WDR93: variants seen among roughly 807,000 people sequenced by gnomAD.
The protein encoded by WDR93 is WD repeat-containing protein 93.
Under a neutral mutation model 82.9 loss-of-function variants are expected in WDR93, and 73 were observed. The ratio of observed to expected loss-of-function variants is 0.88; its 90% CI spans 0.73 to 1.07. The LOEUF (loss-of-function observed/expected upper bound fraction) is 1.07, where lower values mean the gene tolerates loss of function less well. Ranked by LOEUF, WDR93 falls within the 50% of genes least tolerant of loss-of-function variation. The probability of loss-of-function intolerance (pLI) is 0.00; values close to 1 mark genes in which losing one functional copy is unlikely to be tolerated. For missense variants in WDR93, 738 were observed against 826.0 expected (o/e 0.89, Z 1.31); for synonymous variants, 283 against 300.1 (o/e 0.94, Z 0.59).
At chr15:89,727,810 C>T (rs935771203) in intron 9 of WDR93, among the ~76,000 whole-genome samples, 6 of 151,634 alleles carry the variant, frequency 4.0e-5, no homozygotes, top group South Asian at 2.1e-4. Flanking sequence ...AGGCTGGGCA[C>T]GGTGGCTCAG....
chr15:89,690,746 G>C, upstream of WDR93: 1 of 664,830 alleles, frequency 1.5e-6, no homozygotes, highest in Non-Finnish European at 2.5e-6. Context: ...GGGAGGGGCT[G>C]AGTCTCTCCG....
At chr15:89,699,291 A>G (rs989151307) in intron 1 of WDR93, among the ~76,000 whole-genome samples, 2 of 152,184 alleles carry the variant, frequency 1.3e-5, no homozygotes, top group African/African-American at 4.8e-5. Flanking sequence ...TTCTGGATAT[A>G]GAATACCAGA....
At chr15:89,695,813 CTTTTT>C (rs58664153) in intron 1 of WDR93, among the ~76,000 whole-genome samples, 1 of 99,312 alleles carries the variant, frequency 1.0e-5, no homozygotes, top group Non-Finnish European at 1.9e-5. Flanking sequence ...TCATGCTGTC[CTTTTT>C]TTTTTTTTTT....
At chr15:89,707,687 C>T (rs1406938517) in intron 4 of WDR93, among the ~76,000 whole-genome samples, 1 of 152,210 alleles carries the variant, frequency 6.6e-6, no homozygotes, top group East Asian at 1.9e-4. Flanking sequence ...TGGAACTCTT[C>T]CTATGCACTG....
At chr15:89,726,517 G>T (rs541907051) in intron 8 of WDR93, among the ~76,000 whole-genome samples, 2 of 152,198 alleles carry the variant, frequency 1.3e-5, no homozygotes, top group African/African-American at 4.8e-5. Context: ...CTTGAGGGAC[G>T]CAGGTACCTT....
intron 16 of WDR93, among the ~76,000 whole-genome samples, chr15:89,742,575 C>CCA (rs1967767643): frequency 6.6e-6 from 1 of 151,988 alleles, no homozygotes. Context: ...CTCTTGTTGC[C>CCA]CAGGCTGGAG....
Position 89,733,209 on chromosome 15 carries a change from C to T in WDR93, c.1534C>T (p.Leu512Phe), listed in dbSNP as rs1966896833. ...GACCCAAGGACCCACCATCAGTGTG[C>T]TTGTTGAGAGGTCAGTAGCTTGAGG... ...SGTQGPTISV[L>F]VERPVKHLDK... Residue 512 changes from leucine (L) to phenylalanine (F), a missense_variant, in exon 13 of 17, where the codon CTT (leucine) becomes TTT (phenylalanine). Physicochemically the swap from Leu to Phe is conservative, Grantham distance 22. Coordinates refer to ENST00000268130, the MANE Select transcript of WDR93 (RefSeq NM_020212.2). 2.5e-6 allele frequency: 4 copies of T among 1,613,484 alleles called. No homozygotes were observed. The highest frequency in any genetic ancestry group is 1.7e-5 in the Admixed American group (1 of 59,978).
chr15:89,719,243 A>G (rs950607204), intron 7 of WDR93, among the ~76,000 whole-genome samples: 1 of 152,122 alleles, frequency 6.6e-6, no homozygotes. Flanking sequence ...GTGTGCTGCT[A>G]TGCTTGTCTA....
intron 1 of WDR93, among the ~76,000 whole-genome samples, chr15:89,701,387 G>A (rs777161173): frequency 6.6e-6 from 1 of 152,148 alleles, no homozygotes; most frequent in Non-Finnish European, 1.5e-5. Flanking sequence ...TGAGGAGAAG[G>A]CATAAGTTGT....
chr15:89,699,799 A>T (rs1397046786), intron 1 of WDR93, among the ~76,000 whole-genome samples: 1 of 152,192 alleles, frequency 6.6e-6, no homozygotes, highest in Non-Finnish European at 1.5e-5. Context: ...CTAAAAGCTC[A>T]ATATGGATTT....
At chr15:89,712,191 AT>A in intron 5 of WDR93, 87 bp downstream of exon 5, 2 of 1,086,942 alleles carry the variant, frequency 1.8e-6, no homozygotes, top group Non-Finnish European at 2.6e-6. Flanking sequence ...CAAACCTTTT[AT>A]TTAGAAATTA....
At position 89,735,491 on chromosome 15, in the gene WDR93, C is replaced by A. The variant is rs762757426; in HGVS notation, c.1546C>A (p.Pro516Thr). Residue 516 changes from proline (P) to threonine (T), a missense_variant and splice_region_variant, in exon 14 of 17, where the codon CCT becomes ACT. Transcript: ENST00000268130. The stretch of plus-strand genomic sequence containing the variant: ...GTCTGTATATTTTCTGTCCTATAGG[C>A]CTGTAAAGCACCTGGATAAAACCAT... The part of the protein sequence containing the change: ...GPTISVLVER[P>T]VKHLDKTICA... The A allele has an allele frequency of 6.2e-7, 1 of 1,614,080 alleles. No individual in the cohort carries two copies. Among genetic ancestry groups the A allele is most frequent in the South Asian group, 1.1e-5 (1 of 91,072 alleles).
chr15:89,741,645 C>T (rs1967681586), intron 16 of WDR93, among the ~76,000 whole-genome samples: 1 of 152,182 alleles, frequency 6.6e-6, no homozygotes, highest in South Asian at 2.1e-4. Context: ...GGCAAATCAA[C>T]ACAAAATATG....
At chr15:89,701,574 C>A in intron 1 of WDR93, 133 bp from the exon 2 acceptor site, 1 of 744,798 alleles carries the variant, frequency 1.3e-6, no homozygotes, top group South Asian at 1.9e-5. Context: ...GGTAATAGTC[C>A]TCTGGTAATT....
intron 1 of WDR93, among the ~76,000 whole-genome samples, chr15:89,699,910 CT>C (rs1295689110): frequency 6.6e-6 from 1 of 152,092 alleles, no homozygotes; most frequent in Non-Finnish European, 1.5e-5. Context: ...TCTGGTTCAG[CT>C]TTAGTTGATC....
rs1966858665 is a variant in WDR93, at chr15:89,731,540, C to T, written c.1308C>T (p.Leu436=). The change falls in exon 12 of 17, where the codon CTC becomes CTT. Residue 436 remains leucine, a synonymous_variant. Coordinates refer to ENST00000268130, the MANE Select transcript of WDR93 (RefSeq NM_020212.2). Reference sequence around the variant, plus strand: ...TGCTGGCCTGCGAGGATGGTGTGCTCACGCTGTGGGACCTGGCCAAAGGTA... The same window carrying T: ...TGCTGGCCTGCGAGGATGGTGTGCTTACGCTGTGGGACCTGGCCAAAGGTA... ...YLVLACEDGV[L]TLWDLAKGFP... is the part of the protein sequence containing the mutation. 3.1e-6 allele frequency: 5 copies of T among 1,614,154 alleles called. No homozygotes were observed. Among genetic ancestry groups the T allele is most frequent in the Non-Finnish European group, 3.4e-6 (4 of 1,180,028 alleles).
chr15:89,740,209 C>T (rs145957808), intron 16 of WDR93, among the ~76,000 whole-genome samples: 1 of 152,136 alleles, frequency 6.6e-6, no homozygotes, highest in African/African-American at 2.4e-5. Flanking sequence ...CAAGTTCATG[C>T]CTGGGAAAAT....
rs192668507 is a variant in WDR93 at position 89,721,222 on chromosome 15, G to A, written c.796-833G>A. ...TGTGTCATTATATTTAATATAACGA[G>A]TTTCTTCTTTTTCCCTATGGTTTCA... On this transcript the variant is annotated intron_variant, in intron 7 of 16. Transcript: ENST00000268130. 4 of 152,230 alleles carry A rather than the reference G, an allele frequency of 2.6e-5. No homozygotes were observed. In the East Asian group the frequency reaches 7.7e-4, roughly 29 times the overall value. The allele number at this position is 152,230 out of a possible 1,614,324, so 9.4% of individuals were successfully genotyped here.
intron 8 of WDR93, among the ~76,000 whole-genome samples, chr15:89,724,304 T>G (rs1331168565): frequency 6.6e-6 from 1 of 151,998 alleles, no homozygotes; most frequent in Non-Finnish European, 1.5e-5. Context: ...ATCGCACCAT[T>G]GCACTCCTGC....
Sources: allele counts gnomAD v4.1 joint callset (sites outside exome capture counted in the v4.1 genomes callset), GRCh38; gene constraint gnomAD v4.1.1; transcripts MANE v1.5; gene names NCBI Gene and HGNC (gene_info 2026-07-23, HGNC 2026-07-21).